The following DCAF8 variants were observed in gnomAD, a reference collection of about 807,000 sequenced individuals.
DCAF8 encodes DDB1 and CUL4 associated factor 8.
DCAF8 carries 20 observed loss-of-function variants against 68.0 expected under a neutral mutation model. The observed-to-expected ratio is 0.29, with a 90% CI of 0.21 to 0.43. The LOEUF is 0.43. Among genes scored for constraint, DCAF8 ranks in the 20% least tolerant of loss-of-function variants. The pLI, the probability that DCAF8 is intolerant of heterozygous loss-of-function variation, is 1.00. For synonymous variants in DCAF8, 230 were observed against 276.9 expected, an observed-to-expected ratio of 0.83 and a Z score of 1.68; for missense variants, 460 against 771.0, an observed-to-expected ratio of 0.60 and a Z score of 4.78.
At chr1:160,236,450 A>G (rs192940235) in intron 6 of DCAF8, among the ~76,000 whole-genome samples, 7,672 of 151,262 alleles carry the variant, frequency 0.051, 192 homozygotes, top group East Asian at 0.091. Flanking sequence ...GTGTGTGTAT[A>G]TATATATATA....
chr1:160,239,092 C>G (rs1655997279), intron 4 of DCAF8: 1 of 879,908 alleles, frequency 1.1e-6, no homozygotes, highest in South Asian at 4.5e-5. Flanking sequence ...TATAAATTTG[C>G]TACAAAGAAA....
intron 2 of DCAF8, among the ~76,000 whole-genome samples, chr1:160,255,800 A>G (rs563547323): frequency 3.3e-5 from 5 of 151,564 alleles, no homozygotes; most frequent in African/African-American, 1.2e-4. Flanking sequence ...TTATATTTTT[A>G]GTAGACACAG....
At chr1:160,232,054 G>T (rs1655707437) in intron 6 of DCAF8, among the ~76,000 whole-genome samples, 1 of 152,050 alleles carries the variant, frequency 6.6e-6, no homozygotes. Flanking sequence ...AGCCAGGCGT[G>T]GTGGCGCATG....
chr1:160,239,438 C>T (rs988010332), intron 4 of DCAF8: 2 of 1,436,042 alleles, frequency 1.4e-6, no homozygotes, highest in African/African-American at 1.4e-5. Context: ...GCTTATACTA[C>T]ACTGCCTCCT....
At chr1:160,237,344 G>A (rs754738270) in intron 5 of DCAF8, 115 bp from the exon 6 acceptor site, 1 of 701,210 alleles carries the variant, frequency 1.4e-6, no homozygotes, top group Non-Finnish European at 2.4e-6. Context: ...AAAGAGAAAT[G>A]TCTACCTTTT....
At chr1:160,259,593 T>TA (rs1214429711) in intron 2 of DCAF8, among the ~76,000 whole-genome samples, 2 of 152,068 alleles carry the variant, frequency 1.3e-5, no homozygotes, top group Non-Finnish European at 2.9e-5. Context: ...GATTCACTTT[T>TA]AAAAAAAGAG....
At chr1:160,233,329 G>A (rs1163066224) in intron 6 of DCAF8, among the ~76,000 whole-genome samples, 2 of 152,052 alleles carry the variant, frequency 1.3e-5, no homozygotes, top group Non-Finnish European at 2.9e-5. Flanking sequence ...TGGGAGGATC[G>A]TTTGAATCCA....
intron 2 of DCAF8, among the ~76,000 whole-genome samples, chr1:160,254,369 A>AT (rs1208729968): frequency 6.6e-6 from 1 of 152,232 alleles, no homozygotes; most frequent in African/African-American, 2.4e-5. Context: ...GCTTACCAAT[A>AT]TAGCATAACT....
intron 2 of DCAF8, among the ~76,000 whole-genome samples, chr1:160,254,321 CAAA>C (rs201875040): frequency 8.6e-6 from 1 of 115,654 alleles, no homozygotes. Context: ...AACTCTGTCT[CAAA>C]AAAAAAAAAA....
intron 7 of DCAF8, among the ~76,000 whole-genome samples, chr1:160,230,257 T>C (rs922286169): frequency 3.3e-5 from 5 of 152,202 alleles, no homozygotes; most frequent in Non-Finnish European, 5.9e-5. Context: ...AAAAGGAAGA[T>C]GATGCTTTTC....
intron 3 of DCAF8, among the ~76,000 whole-genome samples, chr1:160,241,548 C>T (rs74125530): frequency 0.016 from 2,414 of 152,286 alleles, 63 homozygotes; most frequent in African/African-American, 0.049. Flanking sequence ...TCTCTTAACT[C>T]ACAACAGTCA....
At chr1:160,246,901 G>C (rs1017815565) in intron 2 of DCAF8, among the ~76,000 whole-genome samples, 2 of 152,182 alleles carry the variant, frequency 1.3e-5, no homozygotes, top group African/African-American at 2.4e-5. Flanking sequence ...TGAGGCTGCA[G>C]TGACCTGTGA....
chr1:160,233,352 C>T (rs1409277585), intron 6 of DCAF8, among the ~76,000 whole-genome samples: 1 of 152,072 alleles, frequency 6.6e-6, no homozygotes, highest in Non-Finnish European at 1.5e-5. Flanking sequence ...AGTTCAAGAC[C>T]AGCCTAGGCA....
At chr1:160,237,305 T>C in intron 5 of DCAF8, 76 bp from the exon 6 acceptor site, 1 of 989,874 alleles carries the variant, frequency 1.0e-6, no homozygotes, top group Non-Finnish European at 1.5e-6. Context: ...CCTATAACTT[T>C]GGGAAGGGCT....
chr1:160,222,330 G>A (rs1300123774), intron 11 of DCAF8, among the ~76,000 whole-genome samples: 3 of 152,134 alleles, frequency 2.0e-5, no homozygotes, highest in Admixed American at 6.5e-5. Context: ...AGGAGGGTAC[G>A]CCCTGAACAC....
In DCAF8 at chr1:160,243,943, T is replaced by G. The variant is rs1449180672; in HGVS notation, c.49+17A>C. 1 of 1,613,516 alleles carries G rather than the reference T, an allele frequency of 6.2e-7. No individual in the cohort carries two copies. The highest frequency in any genetic ancestry group is 8.5e-7 in the Non-Finnish European group (1 of 1,179,662). ...GTTGATAGTAAAAATAGCTTCACCT[T>G]CATTTTGGCCCCTTACCATTAGCTA... On this transcript the variant is annotated intron_variant, in intron 3 of 13. Coordinates refer to ENST00000368074, the MANE Select transcript of DCAF8 (RefSeq NM_015726.4).
chr1:160,259,305 C>T (rs11265365), intron 2 of DCAF8, among the ~76,000 whole-genome samples: 11,819 of 152,150 alleles, frequency 0.078, 1,560 homozygotes, highest in African/African-American at 0.27. Flanking sequence ...GAGGCTGAGG[C>T]GGGCAGATCA....
At chr1:160,244,237 T>C (rs2275700) in intron 2 of DCAF8, among the ~76,000 whole-genome samples, 97,842 of 152,134 alleles carry the variant, frequency 0.64, 32,994 homozygotes, top group African/African-American at 0.86. Flanking sequence ...CATATAATGA[T>C]ATATTTTTGG....
chr1:160,238,771 AG>A, intron 4 of DCAF8, 24 bp from the exon 5 acceptor site: 1 of 1,578,466 alleles, frequency 6.3e-7, no homozygotes, highest in Non-Finnish European at 8.6e-7. Flanking sequence ...AATGAAAAAA[AG>A]GACACACAAA....
Sources: allele counts gnomAD v4.1 joint callset (sites outside exome capture counted in the v4.1 genomes callset), GRCh38; gene constraint gnomAD v4.1.1; transcripts MANE v1.5; gene names NCBI Gene and HGNC (gene_info 2026-07-23, HGNC 2026-07-21).